PDGFD: variants seen among roughly 807,000 people sequenced by gnomAD.
PDGFD encodes platelet derived growth factor D.
A neutral mutation model predicts 44.7 loss-of-function variants in PDGFD; 30 were observed. The ratio of observed to expected loss-of-function variants is 0.67; its 90% CI spans 0.50 to 0.91. The LOEUF is 0.91. Among genes scored for constraint, PDGFD ranks in the 40% least tolerant of loss-of-function variants. PDGFD has a pLI of 0.00. For synonymous variants in PDGFD, 173 were observed against 168.4 expected (o/e 1.03, Z -0.21); for missense variants, 445 against 457.8 (o/e 0.97, Z 0.25).
chr11:104,094,671 C>T (rs1204504171), intron 1 of PDGFD, among the ~76,000 whole-genome samples: 1 of 152,092 alleles, frequency 6.6e-6, no homozygotes, highest in Non-Finnish European at 1.5e-5. Context: ...CACGTATATA[C>T]AAACACACAT....
intron 3 of PDGFD, among the ~76,000 whole-genome samples, chr11:103,967,749 C>A (rs768888985): frequency 6.6e-6 from 1 of 152,190 alleles, no homozygotes; most frequent in African/African-American, 2.4e-5. Context: ...ACTGTGTTGC[C>A]TTTCTTCCAC....
At chr11:104,154,138 C>A (rs928605925) in intron 1 of PDGFD, among the ~76,000 whole-genome samples, 1 of 152,062 alleles carries the variant, frequency 6.6e-6, no homozygotes, top group Non-Finnish European at 1.5e-5. Flanking sequence ...TGATAGGGTA[C>A]AATATGACAC....
chr11:103,953,632 T>C (rs558479212), intron 3 of PDGFD, among the ~76,000 whole-genome samples: 68 of 152,292 alleles, frequency 4.5e-4, no homozygotes, highest in South Asian at 8.3e-4. Context: ...GGGTAAATGA[T>C]CACAAATCAT....
intron 1 of PDGFD, among the ~76,000 whole-genome samples, chr11:104,052,745 A>G (rs1334731721): frequency 6.6e-6 from 1 of 152,170 alleles, no homozygotes. Context: ...TGATACCCTC[A>G]TCCACCCCAG....
intron 2 of PDGFD, among the ~76,000 whole-genome samples, chr11:103,997,699 T>C (rs1290997874): frequency 6.6e-6 from 1 of 152,202 alleles, no homozygotes; most frequent in African/African-American, 2.4e-5. Context: ...TTCCATTTCA[T>C]TTTGTATACA....
Position 103,909,772 on chromosome 11 carries a change from CT to C in PDGFD, c.1034del (p.Lys345ArgfsTer5). Reference protein sequence around the residue: ...PGHIKRRGRAKTMALVDIQLD... With the variant: ...PGHIKRRGRAXTMALVDIQLD... ...ACTGGATGTCAACTAGAGCCATGGT[CT>C]TAGCTCTACCCCTCCTCTTGATGTG... On this transcript the variant is annotated frameshift_variant, in exon 7 of 7. Transcript: ENST00000393158. LOFTEE classifies it high-confidence loss of function. The C allele has an allele frequency of 6.2e-7, 1 of 1,614,088 alleles. No homozygotes were observed. The highest frequency in any genetic ancestry group is 8.5e-7 in the Non-Finnish European group (1 of 1,179,942).
At chr11:103,952,812 A>G (rs1373644794) in intron 3 of PDGFD, among the ~76,000 whole-genome samples, 1 of 152,176 alleles carries the variant, frequency 6.6e-6, no homozygotes, top group Admixed American at 6.5e-5. Flanking sequence ...TCACATTAAA[A>G]TAGTTCATAA....
intron 1 of PDGFD, among the ~76,000 whole-genome samples, chr11:104,139,557 T>A (rs1037439163): frequency 6.6e-6 from 1 of 152,188 alleles, no homozygotes; most frequent in Non-Finnish European, 1.5e-5. Context: ...AAAAGTTACG[T>A]GTAGTAGCTA....
chr11:104,090,108 AAGAT>A (rs1302145082), intron 1 of PDGFD, among the ~76,000 whole-genome samples: 1 of 152,178 alleles, frequency 6.6e-6, no homozygotes, highest in East Asian at 1.9e-4. Flanking sequence ...ACAGCAATGA[AAGAT>A]AGAAAAGAAA....
chr11:103,977,784 T>C (rs928386454), intron 3 of PDGFD, among the ~76,000 whole-genome samples: 34 of 152,026 alleles, frequency 2.2e-4, no homozygotes, highest in African/African-American at 8.0e-4. Flanking sequence ...TTGCCACTTA[T>C]TATGTATTTG....
At chr11:104,135,686 G>T (rs61892486) in intron 1 of PDGFD, among the ~76,000 whole-genome samples, 1 of 152,058 alleles carries the variant, frequency 6.6e-6, no homozygotes, top group Non-Finnish European at 1.5e-5. Flanking sequence ...GATAACGGAG[G>T]GTGGGAAATC....
At chr11:104,074,132 C>T (rs1042102511) in intron 1 of PDGFD, among the ~76,000 whole-genome samples, 4 of 152,088 alleles carry the variant, frequency 2.6e-5, no homozygotes, top group Non-Finnish European at 2.9e-5. Flanking sequence ...TCTGCTTAGA[C>T]GATAAGCTGA....
At chr11:103,912,374 A>C (rs1479779392) in intron 6 of PDGFD, among the ~76,000 whole-genome samples, 3 of 152,194 alleles carry the variant, frequency 2.0e-5, no homozygotes, top group African/African-American at 7.2e-5. Context: ...ATATCCAGCC[A>C]AACCAAGCTT....
intron 1 of PDGFD, among the ~76,000 whole-genome samples, chr11:104,135,248 G>C (rs531295013): frequency 6.6e-6 from 1 of 152,270 alleles, no homozygotes; most frequent in East Asian, 1.9e-4. Context: ...ACCTGGTATT[G>C]GCTGTTATGT....
At chr11:104,102,384 T>C (rs1024152048) in intron 1 of PDGFD, among the ~76,000 whole-genome samples, 3 of 152,088 alleles carry the variant, frequency 2.0e-5, no homozygotes, top group South Asian at 2.1e-4. Flanking sequence ...TGAGATACCA[T>C]CTCACACCAG....
intron 3 of PDGFD, among the ~76,000 whole-genome samples, chr11:103,948,263 G>A (rs1382006357): frequency 2.0e-5 from 3 of 152,142 alleles, no homozygotes; most frequent in African/African-American, 4.8e-5. Context: ...CTTCCAAGGG[G>A]TTGTTCCTGA....
At chr11:104,135,829 T>C (rs1861995707) in intron 1 of PDGFD, among the ~76,000 whole-genome samples, 3 of 152,130 alleles carry the variant, frequency 2.0e-5, no homozygotes, top group Admixed American at 6.6e-5. Context: ...CTGAGGTGTC[T>C]ATAAGGGGAC....
At chr11:103,946,092 G>A (rs756512099) in intron 4 of PDGFD, 5 of 152,090 alleles carry the variant, frequency 3.3e-5, no homozygotes, top group African/African-American at 4.8e-5. Flanking sequence ...CTTTTGTCAC[G>A]TATTTATAAA....
chr11:104,045,122 C>A (rs1860419681), intron 1 of PDGFD, among the ~76,000 whole-genome samples: 1 of 152,094 alleles, frequency 6.6e-6, no homozygotes, highest in Non-Finnish European at 1.5e-5. Context: ...AATGGCTGGT[C>A]ACCATACTAG....
Sources: allele counts gnomAD v4.1 joint callset (sites outside exome capture counted in the v4.1 genomes callset), GRCh38; gene constraint gnomAD v4.1.1; transcripts MANE v1.5; gene names NCBI Gene and HGNC (gene_info 2026-07-23, HGNC 2026-07-21).